The following SNTB2 variants were observed in gnomAD, a reference collection of about 807,000 sequenced individuals.
SNTB2 encodes beta-2-syntrophin.
A neutral mutation model predicts 46.2 loss-of-function variants in SNTB2; 34 were observed. The ratio of observed to expected loss-of-function variants is 0.74; its 90% confidence interval spans 0.56 to 0.98. The LOEUF is 0.98. SNTB2 is among the 50% of genes least tolerant of loss of function. SNTB2 has a pLI of 0.00. For synonymous variants in SNTB2, 290 were observed against 312.6 expected (o/e 0.93, Z 0.76); for missense variants, 603 against 731.4 (o/e 0.82, Z 2.02).
intron 1 of SNTB2, among the ~76,000 whole-genome samples, chr16:69,216,824 G>A (rs562347037): frequency 1.3e-5 from 2 of 152,296 alleles, no homozygotes; most frequent in South Asian, 4.1e-4. Context: ...CTTCTCTGGT[G>A]CCATTTATCT....
intron 1 of SNTB2, among the ~76,000 whole-genome samples, chr16:69,221,016 G>A (rs1393318544): frequency 6.6e-6 from 1 of 152,058 alleles, no homozygotes; most frequent in Non-Finnish European, 1.5e-5. Flanking sequence ...GCCTTTTCCA[G>A]ATTGTCATAT....
At chr16:69,270,748 C>A (rs1438249450) in intron 4 of SNTB2, among the ~76,000 whole-genome samples, 2 of 152,112 alleles carry the variant, frequency 1.3e-5, no homozygotes, top group Non-Finnish European at 2.9e-5. Flanking sequence ...CATTTTGATT[C>A]TATGAAATAA....
At chr16:69,287,768 A>C (rs890445166) in intron 5 of SNTB2, among the ~76,000 whole-genome samples, 1 of 152,082 alleles carries the variant, frequency 6.6e-6, no homozygotes, top group Non-Finnish European at 1.5e-5. Context: ...GTGAGGCACA[A>C]GAATTGCTTG....
Position 69,187,538 on chromosome 16 carries a change from C to A in SNTB2, c.372C>A (p.Gly124=). The part of the protein sequence containing the change: ...RRVRVVKQEA[G]GLGISIKGGR... ...TGCGGGTGGTGAAGCAAGAGGCGGG[C>A]GGCCTGGGCATCAGCATCAAGGGCG... Residue 124 remains glycine, a synonymous_variant, in exon 1 of 7, where the codon GGC becomes GGA. Transcript: ENST00000336278. The A allele has an allele frequency of 7.1e-7, 1 of 1,399,844 alleles. No individual in the cohort carries two copies. The highest frequency in any genetic ancestry group is 2.9e-5 in the East Asian group (1 of 33,954). 86.7% of individuals were successfully genotyped at this position (1,399,844 alleles called of 1,614,324 possible).
At chr16:69,261,429 G>A (rs975807847) in intron 3 of SNTB2, among the ~76,000 whole-genome samples, 3 of 151,354 alleles carry the variant, frequency 2.0e-5, no homozygotes. Flanking sequence ...AGTAATTGTG[G>A]TAATTGAGGG....
Position 69,307,633 on chromosome 16 carries a change from A to G in SNTB2, c.*6709A>G, listed in dbSNP as rs1412161218. ...AGCATTTCATCTGCTGAAAGTCCTTATATACATGGTAGACGGAATATTTCT... is the reference window on the plus strand; with the variant it reads ...AGCATTTCATCTGCTGAAAGTCCTTGTATACATGGTAGACGGAATATTTCT... On this transcript the variant is annotated 3_prime_UTR_variant, in exon 7 of 7. Transcript: ENST00000336278. 2 of 152,098 alleles carry G rather than the reference A, an allele frequency of 1.3e-5. No individual in the cohort carries two copies. Among genetic ancestry groups the G allele is most frequent in the Non-Finnish European group, 1.5e-5 (1 of 68,020 alleles). 9.4% of individuals were successfully genotyped at this position (152,098 alleles called of 1,614,324 possible). A position where few individuals can be genotyped will look rare whatever the true frequency, so the allele number is the denominator to read the frequency against.
rs1964696297 is a variant in SNTB2 at position 69,248,810 on chromosome 16, GAGAC to G, written c.794+2999_794+3002del. On this transcript the variant is annotated intron_variant, in intron 2 of 6. Transcript: ENST00000336278. The stretch of plus-strand genomic sequence containing the variant: ...CCCTATCTCTACAAAAAAAAAGAGA[GAGAC>G]AGAGAGAAAAAAAGAGATACATTTA... Among the ~76,000 whole-genome samples the G allele has an allele frequency of 1.1e-4, 17 of 149,318 alleles. 1 individual carries two copies. In the South Asian group the frequency reaches 3.6e-3, roughly 32 times the overall value.
rs2152293551 is a variant in SNTB2 at position 69,220,641 on chromosome 16, C to T, written c.581-24961C>T. ...CTCCTGGGCTCAAGCAATCCTTCTGCCTCAGCCTTCCTAGTAGCTGGGACT... is the reference window on the plus strand; with the variant it reads ...CTCCTGGGCTCAAGCAATCCTTCTGTCTCAGCCTTCCTAGTAGCTGGGACT... On this transcript the variant is annotated intron_variant, in intron 1 of 6. Coordinates refer to ENST00000336278, the MANE Select transcript of SNTB2 (RefSeq NM_006750.4). Among the ~76,000 whole-genome samples the T allele has an allele frequency of 1.3e-5, 2 of 152,054 alleles. 1 individual carries two copies. The highest frequency in any genetic ancestry group is 3.9e-4 in the East Asian group (2 of 5,178).
intron 1 of SNTB2, among the ~76,000 whole-genome samples, chr16:69,201,837 G>T (rs1206775141): frequency 6.6e-6 from 1 of 151,846 alleles, no homozygotes; most frequent in South Asian, 2.1e-4. Context: ...TATTTTTTTT[G>T]AGTGCCTCTA....
intron 1 of SNTB2, among the ~76,000 whole-genome samples, chr16:69,227,629 T>C (rs1964471736): frequency 6.6e-6 from 1 of 152,230 alleles, no homozygotes; most frequent in Non-Finnish European, 1.5e-5. Context: ...GTAATTATTG[T>C]TGACTTTTAT....
At chr16:69,283,900 T>G in intron 4 of SNTB2, 148 bp from the exon 5 acceptor site, 1 of 673,232 alleles carries the variant, frequency 1.5e-6, no homozygotes, top group Non-Finnish European at 2.5e-6. Context: ...TGGTCTGTAT[T>G]TCAGAGACTA....
intron 1 of SNTB2, among the ~76,000 whole-genome samples, chr16:69,226,183 C>T (rs1425189877): frequency 4.6e-5 from 7 of 151,958 alleles, no homozygotes; most frequent in East Asian, 1.9e-4. Flanking sequence ...GCAATTCTCC[C>T]GCCTCAGCCT....
At chr16:69,211,281 G>A (rs946443197) in intron 1 of SNTB2, among the ~76,000 whole-genome samples, 3 of 152,020 alleles carry the variant, frequency 2.0e-5, no homozygotes, top group African/African-American at 4.8e-5. Context: ...TTCATGCCCA[G>A]TACTTTTGAG....
At chr16:69,273,231 G>A (rs1964955006) in intron 4 of SNTB2, among the ~76,000 whole-genome samples, 1 of 152,132 alleles carries the variant, frequency 6.6e-6, no homozygotes, top group African/African-American at 2.4e-5. Context: ...CCATTCCTAA[G>A]TTATGCCTAA....
intron 4 of SNTB2, among the ~76,000 whole-genome samples, chr16:69,272,888 T>TTA (rs1964951706): frequency 1.7e-5 from 1 of 58,944 alleles, no homozygotes; most frequent in Non-Finnish European, 3.1e-5. Flanking sequence ...AGACTCTGTC[T>TTA]CAAAAAAAAA....
At chr16:69,286,908 C>T (rs1254931635) in intron 5 of SNTB2, among the ~76,000 whole-genome samples, 4 of 151,990 alleles carry the variant, frequency 2.6e-5, no homozygotes, top group Non-Finnish European at 5.9e-5. Context: ...TGTAAGGACT[C>T]ATTTACCAAG....
intron 1 of SNTB2, among the ~76,000 whole-genome samples, chr16:69,192,383 A>G (rs1964063581): frequency 6.6e-6 from 1 of 152,212 alleles, no homozygotes; most frequent in Non-Finnish European, 1.5e-5. Context: ...CTTACAGAGA[A>G]TCTTCTGCAG....
chr16:69,221,420 A>G lies in SNTB2; in HGVS notation c.581-24182A>G, dbSNP rs74025397. ...GTACTGTTTTCTCTGTTTTACTTAT[A>G]AGAAACTAATAGAATGTCTGGAAAT... On this transcript the variant is annotated intron_variant, in intron 1 of 6. Coordinates refer to ENST00000336278, the MANE Select transcript of SNTB2 (RefSeq NM_006750.4). 7.3e-3 allele frequency among the ~76,000 whole-genome samples: 1,108 copies of G among 152,314 alleles called. 9 individuals carry two copies. Among genetic ancestry groups the G allele is most frequent in the African/African-American group, 0.023 (952 of 41,560 alleles).
At chr16:69,268,351 G>C (rs1186525792) in intron 3 of SNTB2, among the ~76,000 whole-genome samples, 5 of 151,946 alleles carry the variant, frequency 3.3e-5, no homozygotes, top group African/African-American at 4.8e-5. Flanking sequence ...GTAATCTCAG[G>C]TAGTTGGGAG....
Sources: gnomAD v4.1 joint callset for allele counts (sites outside exome capture counted in the v4.1 genomes callset) on GRCh38, gnomAD v4.1.1 for gene constraint, MANE v1.5 for transcripts, NCBI Gene and HGNC (gene_info 2026-07-23, HGNC 2026-07-21) for gene names.